Variants in OSMR observed in about 807,000 individuals in gnomAD.
OSMR encodes oncostatin-M-specific receptor subunit beta.
In OSMR, 81 loss-of-function variants were observed where a neutral mutation model predicts 99.9. The ratio of observed to expected loss-of-function variants is 0.81; its 90% CI spans 0.68 to 0.97. The LOEUF (loss-of-function observed/expected upper bound fraction) is 0.97. Ranked by LOEUF, OSMR falls within the 50% of genes least tolerant of loss-of-function variation. OSMR has a pLI of 0.00. For missense variants in OSMR, 1,099 were observed against 1,153.4 expected (o/e 0.95, Z 0.68); for synonymous variants, 406 against 410.4 (o/e 0.99, Z 0.13).
chr5:38,907,404 A>G (rs1745316072), intron 9 of OSMR, among the ~76,000 whole-genome samples: 1 of 152,242 alleles, frequency 6.6e-6, no homozygotes. Context: ...GGCAGGGCCC[A>G]GAGGGTTTGG....
intron 1 of OSMR, among the ~76,000 whole-genome samples, chr5:38,858,253 C>T (rs1188751742): frequency 6.6e-6 from 1 of 152,062 alleles, no homozygotes; most frequent in Non-Finnish European, 1.5e-5. Flanking sequence ...TGTTGACTGC[C>T]CCCTTCCTAA....
At chr5:38,894,354 C>A (rs1385086686) in intron 7 of OSMR, among the ~76,000 whole-genome samples, 1 of 151,820 alleles carries the variant, frequency 6.6e-6, no homozygotes, top group Non-Finnish European at 1.5e-5. Context: ...AGTCTTAACA[C>A]CCCCACTTAA....
At chr5:38,926,464 C>T (rs570799124) in intron 15 of OSMR, among the ~76,000 whole-genome samples, 18 of 152,272 alleles carry the variant, frequency 1.2e-4, no homozygotes, top group South Asian at 4.1e-4. Flanking sequence ...ACAATCATGG[C>T]AGAAGGGAAA....
intron 2 of OSMR, among the ~76,000 whole-genome samples, chr5:38,874,387 A>T (rs1436664797): frequency 6.6e-6 from 1 of 152,192 alleles, no homozygotes; most frequent in Non-Finnish European, 1.5e-5. Flanking sequence ...CTTTCAGGGA[A>T]GGTAGCCATT....
intron 1 of OSMR, among the ~76,000 whole-genome samples, chr5:38,861,195 A>G (rs755226250): frequency 2.0e-5 from 3 of 152,044 alleles, no homozygotes; most frequent in Non-Finnish European, 4.4e-5. Flanking sequence ...TCATAGGACA[A>G]TATTGGAGGG....
chr5:38,858,539 C>T (rs531683569), intron 1 of OSMR, among the ~76,000 whole-genome samples: 2 of 152,282 alleles, frequency 1.3e-5, no homozygotes, highest in African/African-American at 4.8e-5. Flanking sequence ...AATTCCATAT[C>T]TTTGCTATTG....
intron 9 of OSMR, among the ~76,000 whole-genome samples, chr5:38,917,068 G>A (rs1745941563): frequency 6.6e-6 from 1 of 152,034 alleles, no homozygotes; most frequent in South Asian, 2.1e-4. Context: ...CCCAGTGGAG[G>A]GAGACCAGCA....
chr5:38,899,477 A>G (rs936081000), intron 7 of OSMR, among the ~76,000 whole-genome samples: 1 of 152,044 alleles, frequency 6.6e-6, no homozygotes, highest in Admixed American at 6.5e-5. Context: ...ACTTTTCTCA[A>G]GCAGAGGGTG....
intron 14 of OSMR, among the ~76,000 whole-genome samples, chr5:38,924,798 C>T (rs1458346180): frequency 4.6e-5 from 7 of 151,970 alleles, no homozygotes; most frequent in Non-Finnish European, 1.0e-4. Context: ...ACTTAAAAAA[C>T]AATATGACTT....
At position 38,943,158 on chromosome 5, in the gene OSMR, GT is replaced by G. The variant is rs5867438; in HGVS notation, c.75-1034del. On this transcript the variant is annotated intron_variant and NMD_transcript_variant, in intron 1 of 2. Transcript: ENST00000508882. ...ACACACTTAGACATTCTGAGTTTGGGTTTTTTTTTAAAAAAAATGATTATCA... is the reference window on the plus strand; with the variant it reads ...ACACACTTAGACATTCTGAGTTTGGGTTTTTTTTAAAAAAAATGATTATCA... The G allele has an allele frequency of 1.6e-3, 615 of 383,940 alleles. 7 individuals are homozygous for G. The highest frequency in any genetic ancestry group is 0.012 in the African/African-American group (572 of 48,214). 23.8% of individuals were successfully genotyped at this position (383,940 alleles called of 1,614,324 possible).
rs1255451772 is a variant in OSMR, at chr5:38,885,412, C to G, written c.767C>G (p.Thr256Ser). The G allele has an allele frequency of 2.5e-6, 4 of 1,613,820 alleles. No individual in the cohort carries two copies. Among genetic ancestry groups the G allele is most frequent in the Non-Finnish European group, 3.4e-6 (4 of 1,179,866 alleles). The change falls in exon 6 of 18, where the codon ACT becomes AGT. Residue 256 changes from threonine to serine, a missense_variant. Transcript: ENST00000274276. ...GAGGACTTCAAGACTTTGCACTGTA[C>G]TTGGGATCCTGGGACGGACACTGCC... ...ETEDFKTLHCTWDPGTDTALG... is the reference protein window; with the variant it reads ...ETEDFKTLHCSWDPGTDTALG...
At chr5:38,866,678 T>C (rs908825337) in intron 1 of OSMR, among the ~76,000 whole-genome samples, 4 of 151,856 alleles carry the variant, frequency 2.6e-5, no homozygotes, top group Admixed American at 6.6e-5. Context: ...GGATGTAGTC[T>C]TATGGAGGTG....
At chr5:38,919,795 C>G (rs1338094573) in intron 11 of OSMR, among the ~76,000 whole-genome samples, 2 of 152,066 alleles carry the variant, frequency 1.3e-5, no homozygotes, top group African/African-American at 4.8e-5. Flanking sequence ...CTTGTAGGTT[C>G]TATAATATGT....
chr5:38,925,213 A>T lies in OSMR; in HGVS notation c.2054A>T (p.Glu685Val), dbSNP rs1368374952. Residue 685 changes from glutamate to valine, a missense_variant, in exon 15 of 18, where the codon GAA becomes GTA. Physicochemically the swap from Glu to Val is moderately radical, Grantham distance 121 (BLOSUM62 -2). Transcript: ENST00000274276. ...FEKAVLSDGS[E>V]CCKYKIDNPE... ...ATTTAAAAAATCACAGATGGTTCAG[A>T]ATGTTGCAAATACAAAATTGACAAC... 1 of 1,613,952 alleles carries T rather than the reference A, an allele frequency of 6.2e-7. No homozygotes were observed. The highest frequency in any genetic ancestry group is 1.3e-5 in the African/African-American group (1 of 74,922).
At chr5:38,858,247 G>A (rs1039395172) in intron 1 of OSMR, among the ~76,000 whole-genome samples, 42 of 151,558 alleles carry the variant, frequency 2.8e-4, no homozygotes, top group Middle Eastern at 3.5e-3. Flanking sequence ...TGTGCCTGTT[G>A]ACTGCCCCCT....
Position 38,869,136 on chromosome 5 carries a change from A to C in OSMR, c.73+19A>C. ...AGTGAAGGTAAGAAGTGGAAGGAAC[A>C]GTAAAGACAAAAATCACGTCGGGAA... On this transcript the variant is annotated intron_variant, in intron 2 of 17. Transcript: ENST00000274276. 6.4e-7 allele frequency: 1 copy of C among 1,552,306 alleles called. No individual in the cohort carries two copies. The highest frequency in any genetic ancestry group is 8.9e-7 in the Non-Finnish European group (1 of 1,123,574).
At chr5:38,856,545 A>G (rs1579624986) in intron 1 of OSMR, among the ~76,000 whole-genome samples, 1 of 145,570 alleles carries the variant, frequency 6.9e-6, no homozygotes, top group East Asian at 1.9e-4. Flanking sequence ...ACAGAAGAAA[A>G]CAGGGAATCT....
chr5:38,921,835 C>A, intron 12 of OSMR, 41 bp downstream of exon 12: 1 of 1,533,360 alleles, frequency 6.5e-7, no homozygotes, highest in Middle Eastern at 1.7e-4. Context: ...CTATATTCAC[C>A]TTGAAGAAAG....
intron 9 of OSMR, among the ~76,000 whole-genome samples, chr5:38,905,349 C>T (rs411190): frequency 0.029 from 4,453 of 152,084 alleles, 130 homozygotes; most frequent in South Asian, 0.085. Flanking sequence ...ATTAGCCAGG[C>T]GTGGTGGCAC....
Sources: allele counts gnomAD v4.1 joint callset (sites outside exome capture counted in the v4.1 genomes callset), GRCh38; gene constraint gnomAD v4.1.1; transcripts MANE v1.5; gene names NCBI Gene and HGNC (gene_info 2026-07-23, HGNC 2026-07-21).